The following DNAH2 variants were observed in gnomAD, a reference collection of about 807,000 sequenced individuals.
DNAH2 encodes dynein axonemal heavy chain 2.
In DNAH2, 323 loss-of-function variants were observed where a neutral mutation model predicts 523.5. That is an observed-to-expected ratio of 0.62 (90% CI 0.56 to 0.68). DNAH2 has a LOEUF of 0.68. Among genes scored for constraint, DNAH2 ranks in the 30% least tolerant of loss-of-function variants. DNAH2 has a pLI of 0.00. For missense variants in DNAH2, 4,907 were observed against 5,701.5 expected, an observed-to-expected ratio of 0.86 and a Z score of 4.49; for synonymous variants, 2,093 against 2,177.4, an observed-to-expected ratio of 0.96 and a Z score of 1.08.
rs201346992 is a variant in DNAH2, at chr17:7,792,786, C to A, written c.7275C>A (p.Ile2425=). ...CCGTGGGGACTGGGAAGACCTCCAT[C>A]GCCCAGAGCGTTCTGCAGTCCCTGC... The part of the protein sequence containing the change: ...VGPVGTGKTS[I]AQSVLQSLPS... Residue 2425 remains isoleucine (I), a synonymous_variant, in exon 47 of 86, where the codon ATC becomes ATA. Coordinates refer to ENST00000572933, the MANE Select transcript of DNAH2 (RefSeq NM_020877.5). 3 of 1,614,210 alleles carry A rather than the reference C, an allele frequency of 1.9e-6. No individual in the cohort carries two copies. The highest frequency in any genetic ancestry group is 2.5e-6 in the Non-Finnish European group (3 of 1,180,026).
chr17:7,778,207 G>T (rs2076509698), intron 34 of DNAH2, 27 bp downstream of exon 34: 1 of 1,614,056 alleles, frequency 6.2e-7, no homozygotes, highest in South Asian at 1.1e-5. Context: ...GAATGAGGTG[G>T]CTGGGGTGGG....
At position 7,803,800 on chromosome 17, in the gene DNAH2, C is replaced by T. The variant is rs115595229; in HGVS notation, c.8973-456C>T. 8.3e-3 allele frequency among the ~76,000 whole-genome samples: 1,143 copies of T among 137,790 alleles called. 15 individuals carry two copies. The highest frequency in any genetic ancestry group is 0.028 in the African/African-American group (1,065 of 38,444). The allele number at this position is 137,790 out of a possible 152,430, so 90.4% of individuals were successfully genotyped here. ...GACCAGCCTGGGCAAAATAACAAGA[C>T]GCCATCTCTACAAAAAAAGAAAGAG... On this transcript the variant is annotated intron_variant, in intron 58 of 85. Coordinates refer to ENST00000572933, the MANE Select transcript of DNAH2 (RefSeq NM_020877.5).
In DNAH2 at chr17:7,833,230, G is replaced by A. The variant is rs538866727; in HGVS notation, c.13129+9G>A. Reference sequence around the variant, plus strand: ...CAAGAAGAGCGCCAAGGGTGGGACAGCTCCCCAGGCAGGACCTGCCTGCCC... The same window carrying A: ...CAAGAAGAGCGCCAAGGGTGGGACAACTCCCCAGGCAGGACCTGCCTGCCC... On this transcript the variant is annotated intron_variant, in intron 85 of 85. Coordinates refer to ENST00000572933, the MANE Select transcript of DNAH2 (RefSeq NM_020877.5). 9.3e-6 allele frequency: 15 copies of A among 1,606,558 alleles called. No individual in the cohort carries two copies. In the South Asian group the frequency reaches 1.3e-4, roughly 14 times the overall value.
Position 7,824,728 on chromosome 17 carries a change from G to T in DNAH2, c.11853+1G>T, listed in dbSNP as rs2077971888. On this transcript the variant is annotated splice_donor_variant, in intron 77 of 85. Transcript: ENST00000572933. LOFTEE classifies it high-confidence loss of function. ...CAAGATGACCACAGAGCCACCAAAG[G>T]TATGTGGCCATAGAGAACCAGCATC... 1.3e-6 allele frequency: 2 copies of T among 1,535,416 alleles called. No homozygotes were observed. The highest frequency in any genetic ancestry group is 1.8e-5 in the Admixed American group (1 of 54,462).
chr17:7,797,267 A>G lies in DNAH2; in HGVS notation c.7949+6A>G. ...TGGATCCATGAATGTTTCAGGTGAC[A>G]TGCATGTGCCCTGGCCAAACGAAGG... On this transcript the variant is annotated splice_donor_region_variant and intron_variant, in intron 51 of 85. Coordinates refer to ENST00000572933, the MANE Select transcript of DNAH2 (RefSeq NM_020877.5). 6.2e-7 allele frequency: 1 copy of G among 1,614,052 alleles called. No individual in the cohort carries two copies. The highest frequency in any genetic ancestry group is 8.5e-7 in the Non-Finnish European group (1 of 1,179,994).
chr17:7,737,979 T>A (rs1356294075), intron 8 of DNAH2: 1 of 702,980 alleles, frequency 1.4e-6, no homozygotes, highest in Non-Finnish European at 2.6e-6. Flanking sequence ...AATGAGATCA[T>A]CCGCTTATGC....
chr17:7,821,362 G>T lies in DNAH2; in HGVS notation c.11135G>T (p.Gly3712Val). 1 of 1,612,856 alleles carries T rather than the reference G, an allele frequency of 6.2e-7. No homozygotes were observed. Among genetic ancestry groups the T allele is most frequent in the South Asian group, 1.1e-5 (1 of 90,842 alleles). Residue 3712 changes from glycine (G) to valine (V), a missense_variant, in exon 73 of 86, where the codon GGG becomes GTG. Physicochemically the swap from Gly to Val is moderately radical, Grantham distance 109 (BLOSUM62 -3). Coordinates refer to ENST00000572933, the MANE Select transcript of DNAH2 (RefSeq NM_020877.5). This position sits in a 1 kb window ranked among gnomAD's most constrained non-coding sequence, Gnocchi z 5.0. ...NMDEYNFFLRGGVVLDREGQM... is the reference protein window; with the variant it reads ...NMDEYNFFLRVGVVLDREGQM... ...GATGAATACAACTTCTTTCTACGTG[G>T]GGGTGTGGTGAGTTGGGCAGAGAGC...
At chr17:7,800,380 TC>T (rs1391311923) in intron 56 of DNAH2, among the ~76,000 whole-genome samples, 1 of 152,134 alleles carries the variant, frequency 6.6e-6, no homozygotes, top group Non-Finnish European at 1.5e-5. Flanking sequence ...CTTGCTTATT[TC>T]ACTTAGCGTA....
At chr17:7,725,677 G>GC (rs1555535064) in intron 3 of DNAH2, among the ~76,000 whole-genome samples, 1 of 142,126 alleles carries the variant, frequency 7.0e-6, no homozygotes, top group Non-Finnish European at 1.5e-5. Flanking sequence ...CCTGTGATTC[G>GC]CCCCCACCCC....
In DNAH2 at chr17:7,768,246, G is replaced by A. The variant is rs199508838; in HGVS notation, c.3920G>A (p.Arg1307Gln). The A allele has an allele frequency of 8.8e-5, 142 of 1,613,992 alleles. No individual in the cohort carries two copies. The highest frequency in any genetic ancestry group is 1.1e-4 in the Non-Finnish European group (131 of 1,180,024). ...ACCATGCCTCTCATCTCAGACCTGC[G>A]GAACCCTGCCCTTAGAGAGAGGTGA... ...KRTMPLISDLRNPALRERHWD... is the reference protein window; with the variant it reads ...KRTMPLISDLQNPALRERHWD... Residue 1307 changes from arginine (R) to glutamine (Q), a missense_variant, in exon 24 of 86, where the codon CGG becomes CAG. By Grantham distance (43) the Arg-to-Gln change is conservative (BLOSUM62 1). Transcript: ENST00000572933.
chr17:7,729,689 G>A (rs1402753977), intron 4 of DNAH2, among the ~76,000 whole-genome samples: 2 of 152,102 alleles, frequency 1.3e-5, no homozygotes, highest in African/African-American at 2.4e-5. Flanking sequence ...CTCGGCCTCC[G>A]AAAGTGCTGG....
chr17:7,824,657 C>T lies in DNAH2; in HGVS notation c.11783C>T (p.Ser3928Phe). The change falls in exon 77 of 86, where the codon TCC (serine) becomes TTC (phenylalanine). Residue 3928 changes from serine (S) to phenylalanine (F), a missense_variant. This residue lies in a region of DNAH2 where 1,851 missense variants were observed against 2,139.4 expected (regional missense o/e 0.87). Transcript: ENST00000572933. ...PHPSFRLWLS[S>F]IPHPDFPISI... ...CCATCCTTCCGCCTCTGGCTCAGCT[C>T]CATCCCCCACCCAGACTTCCCTATC... is the stretch of plus-strand genomic sequence containing the variant. 6.2e-7 allele frequency: 1 copy of T among 1,608,096 alleles called. No individual in the cohort carries two copies. Among genetic ancestry groups the T allele is most frequent in the South Asian group, 1.1e-5 (1 of 90,480 alleles).
At chr17:7,719,028 C>T (rs1308384552) in intron 1 of DNAH2, among the ~76,000 whole-genome samples, 2 of 152,042 alleles carry the variant, frequency 1.3e-5, no homozygotes, top group African/African-American at 4.8e-5. Flanking sequence ...TGGGCAACCA[C>T]ACTTCAGCTT....
chr17:7,764,782 CTTT>C (rs59188289), intron 20 of DNAH2, among the ~76,000 whole-genome samples: 3 of 49,506 alleles, frequency 6.1e-5, no homozygotes, highest in Admixed American at 2.8e-4. Flanking sequence ...ACTGTATTTA[CTTT>C]TTTTTTTTTT....
rs1316752641 is a variant in DNAH2 at position 7,792,175 on chromosome 17, G to C, written c.7054-77G>C. ...TTTCCCTCTCTCTTTCTTCCACCCG[G>C]TGGTCTGGGGCCCGTTCTCTGGGCT... On this transcript the variant is annotated intron_variant, in intron 45 of 85. Coordinates refer to ENST00000572933, the MANE Select transcript of DNAH2 (RefSeq NM_020877.5). 6 of 1,600,376 alleles carry C rather than the reference G, an allele frequency of 3.7e-6. No homozygotes were observed. In the East Asian group the frequency reaches 8.9e-5, roughly 24 times the overall value.
intron 76 of DNAH2, 89 bp downstream of exon 76, chr17:7,824,393 C>T: frequency 6.8e-7 from 1 of 1,460,154 alleles, no homozygotes; most frequent in Non-Finnish European, 9.1e-7. Flanking sequence ...TGTCCCTGTA[C>T]CTCCCACTTC....
intron 20 of DNAH2, 123 bp downstream of exon 20, chr17:7,764,396 G>T: frequency 8.5e-7 from 1 of 1,171,694 alleles, no homozygotes; most frequent in Non-Finnish European, 1.2e-6. Context: ...AGATTTGAAA[G>T]CCAAAGCTAG....
At chr17:7,795,904 A>G (rs2077047973) in intron 49 of DNAH2, among the ~76,000 whole-genome samples, 1 of 147,926 alleles carries the variant, frequency 6.8e-6, no homozygotes, top group African/African-American at 2.5e-5. Flanking sequence ...AGGATCAGGC[A>G]GAGAATTGCT....
In DNAH2 at chr17:7,823,968, C is replaced by T. The variant is rs1356775836; in HGVS notation, c.11464C>T (p.Leu3822=). The T allele has an allele frequency of 6.2e-7, 1 of 1,613,506 alleles. No homozygotes were observed. The highest frequency in any genetic ancestry group is 8.5e-7 in the Non-Finnish European group (1 of 1,179,942). The change falls in exon 75 of 86, where the codon CTG becomes TTG. Residue 3822 remains leucine, a synonymous_variant. Coordinates refer to ENST00000572933, the MANE Select transcript of DNAH2 (RefSeq NM_020877.5). ...LGSRFIEPPV[L]NMKSVLEDST... is the part of the protein sequence containing the mutation. ...CTCCCGCTTCATCGAGCCGCCTGTGCTGAATATGAAGTCGGTCGGTGGCTC... is the reference window on the plus strand; with the variant it reads ...CTCCCGCTTCATCGAGCCGCCTGTGTTGAATATGAAGTCGGTCGGTGGCTC...
Sources: allele counts gnomAD v4.1 joint callset (sites outside exome capture counted in the v4.1 genomes callset), GRCh38; gene constraint gnomAD v4.1.1; regional missense constraint gnomAD v4.1.1; non-coding constraint Gnocchi (gnomAD v3.1); transcripts MANE v1.5; gene names NCBI Gene and HGNC (gene_info 2026-07-23, HGNC 2026-07-21).